SPI1: variants seen among roughly 807,000 people sequenced by gnomAD.
SPI1 encodes the protein transcription factor PU.1.
SPI1 carries 3 observed loss-of-function variants against 30.7 expected under a neutral mutation model. That is an observed-to-expected ratio of 0.10 (90% confidence interval 0.04 to 0.25). SPI1 has a LOEUF of 0.25. SPI1 is among the 10% of genes least tolerant of loss of function. The pLI is 1.00. For synonymous variants in SPI1, 169 were observed against 157.1 expected (o/e 1.08, Z -0.56); for missense variants, 261 against 371.5 (o/e 0.70, Z 2.45).
Position 47,375,378 on chromosome 11 carries a change from C to CT in SPI1, c.142+254_142+255insA, listed in dbSNP as rs2095940886. On this transcript the variant is annotated intron_variant, in intron 2 of 4. Transcript: ENST00000378538. This position sits in a 1 kb window ranked among gnomAD's most constrained non-coding sequence, Gnocchi z 4.2. ...CCTGTTTCCTTGTTTATAAAGAAGA[C>CT]CACAAGGACAGAACCAGCAGATAAC... Among the ~76,000 whole-genome samples the CT allele has an allele frequency of 1.3e-5, 2 of 152,324 alleles. No individual in the cohort carries two copies. The highest frequency in any genetic ancestry group is 4.8e-5 in the African/African-American group (2 of 41,564).
In SPI1 at chr11:47,378,370, T is replaced by C. The variant is rs1168906314; in HGVS notation, c.-17A>G. ...CTGTAACATCCAGCCGGGCTCCGAG[T>C]CGGTCAGATCCCCTGCCTCGGTGGG... On this transcript the variant is annotated 5_prime_UTR_variant, in exon 1 of 5. Coordinates refer to ENST00000378538, the MANE Select transcript of SPI1 (RefSeq NM_003120.3). The C allele has an allele frequency of 6.2e-7, 1 of 1,610,692 alleles. No homozygotes were observed. Among genetic ancestry groups the C allele is most frequent in the Non-Finnish European group, 8.5e-7 (1 of 1,178,618 alleles).
intron 2 of SPI1, among the ~76,000 whole-genome samples, chr11:47,365,476 A>C (rs1183186498): frequency 6.6e-6 from 1 of 152,184 alleles, no homozygotes; most frequent in Non-Finnish European, 1.5e-5. Flanking sequence ...TAACCCTAGC[A>C]CTCAGGAGGT....
In SPI1 at chr11:47,355,344, C is replaced by G. The variant is rs1210495712; in HGVS notation, c.696G>C (p.Leu232=). 2.5e-6 allele frequency: 4 copies of G among 1,613,396 alleles called. No homozygotes were observed. Among genetic ancestry groups the G allele is most frequent in the Non-Finnish European group, 3.4e-6 (4 of 1,179,628 alleles). Residue 232 remains leucine (L), a synonymous_variant, in exon 5 of 5, where the codon CTG becomes CTC. Coordinates refer to ENST00000378538, the MANE Select transcript of SPI1 (RefSeq NM_003120.3). The stretch of plus-strand genomic sequence containing the variant: ...CCTCGCCCGTCTTGCCGTAGTTGCG[C>G]AGCGCGCGCGCCATCTTCTGGTAGG... ...KMTYQKMARA[L]RNYGKTGEVK...
intron 2 of SPI1, among the ~76,000 whole-genome samples, chr11:47,368,438 CAG>C (rs1648622144): frequency 6.6e-6 from 1 of 152,192 alleles, no homozygotes; most frequent in Admixed American, 6.5e-5. Context: ...AAATTGAAAA[CAG>C]GGTCTTTCCA....
chr11:47,360,036 A>G lies in SPI1; in HGVS notation c.147T>C (p.His49=). ...CGTGGTGGGGGTGGAAGTCCCAGTA[A>G]TGGTCTGTGGGGGACAGCCAGGCAG... ...LSSDGESHSD[H]YWDFHPHHVH... is the part of the protein sequence containing the mutation. Residue 49 remains histidine (H), a synonymous_variant, in exon 3 of 5, where the codon CAT becomes CAC. Coordinates refer to ENST00000378538, the MANE Select transcript of SPI1 (RefSeq NM_003120.3). The G allele has an allele frequency of 1.3e-6, 2 of 1,552,304 alleles. No individual in the cohort carries two copies. The highest frequency in any genetic ancestry group is 1.7e-6 in the Non-Finnish European group (2 of 1,143,882).
intron 4 of SPI1, among the ~76,000 whole-genome samples, chr11:47,357,004 ACT>A (rs909839271): frequency 7.5e-5 from 11 of 146,976 alleles, no homozygotes; most frequent in Non-Finnish European, 1.6e-4. Flanking sequence ...CCATACACAC[ACT>A]TCCTCACACA....
At chr11:47,368,837 A>T (rs533045163) in intron 2 of SPI1, among the ~76,000 whole-genome samples, 266 of 152,308 alleles carry the variant, frequency 1.7e-3, no homozygotes, top group African/African-American at 6.0e-3. Flanking sequence ...ATAGAGATGG[A>T]TGGTGATGAT....
chr11:47,364,624 T>C (rs1307999445), intron 2 of SPI1, among the ~76,000 whole-genome samples: 2 of 152,040 alleles, frequency 1.3e-5, no homozygotes, highest in Non-Finnish European at 2.9e-5. Context: ...GGACCCTGAG[T>C]GCATGCACCC....
chr11:47,356,026 A>T (rs1341528811), intron 4 of SPI1, among the ~76,000 whole-genome samples: 2 of 150,930 alleles, frequency 1.3e-5, no homozygotes, highest in African/African-American at 2.4e-5. Context: ...ACATGCTGTC[A>T]CACACATGCA....
intron 2 of SPI1, among the ~76,000 whole-genome samples, chr11:47,362,739 C>G (rs1595858889): frequency 1.3e-5 from 2 of 152,068 alleles, no homozygotes; most frequent in Middle Eastern, 6.8e-3. Context: ...CCATGCCCAG[C>G]TAATTTTTGT....
At chr11:47,373,348 T>C (rs182379785) in intron 2 of SPI1, among the ~76,000 whole-genome samples, 98 of 142,862 alleles carry the variant, frequency 6.9e-4, no homozygotes, top group African/African-American at 2.6e-3. Flanking sequence ...CGAGACTCCG[T>C]ATCAAAAAAA....
intron 4 of SPI1, chr11:47,358,589 G>A (rs1211140755): frequency 2.8e-6 from 2 of 703,446 alleles, no homozygotes; most frequent in East Asian, 2.7e-5. Flanking sequence ...ACACCCAGAT[G>A]TACACACACT....
intron 4 of SPI1, chr11:47,358,388 T>G: frequency 1.6e-6 from 1 of 611,186 alleles, no homozygotes. Flanking sequence ...CCCACTGACA[T>G]CATACGTGCA....
Position 47,374,231 on chromosome 11 carries a change from A to G in SPI1, c.142+1402T>C, listed in dbSNP as rs1224689624. The stretch of plus-strand genomic sequence containing the variant: ...CTGGGGATGGAGTTGGGGGAGGGGG[A>G]CTTTCTCTCTACATTGCCTGGGTTT... On this transcript the variant is annotated intron_variant, in intron 2 of 4. Coordinates refer to ENST00000378538, the MANE Select transcript of SPI1 (RefSeq NM_003120.3). The surrounding 1 kb of genome is among the most constrained non-coding windows in gnomAD (Gnocchi z 4.5). Among the ~76,000 whole-genome samples, 1 of 151,940 alleles carries G rather than the reference A, an allele frequency of 6.6e-6. No individual in the cohort carries two copies. Among genetic ancestry groups the G allele is most frequent in the Non-Finnish European group, 1.5e-5 (1 of 67,972 alleles).
intron 2 of SPI1, among the ~76,000 whole-genome samples, chr11:47,362,512 C>A (rs944718490): frequency 2.0e-5 from 3 of 151,088 alleles, no homozygotes; most frequent in Admixed American, 2.0e-4. Flanking sequence ...TTTGAGGCTG[C>A]AGTGAGCTAT....
intron 4 of SPI1, among the ~76,000 whole-genome samples, chr11:47,355,932 TCA>T (rs1451794563): frequency 1.4e-5 from 2 of 146,180 alleles, no homozygotes; most frequent in Non-Finnish European, 3.0e-5. Flanking sequence ...TCACACCCAC[TCA>T]CACTCATGCT....
chr11:47,372,652 A>G (rs955396385), intron 2 of SPI1, among the ~76,000 whole-genome samples: 1 of 151,996 alleles, frequency 6.6e-6, no homozygotes, highest in Non-Finnish European at 1.5e-5. Flanking sequence ...GTCAGTGGAA[A>G]ATAACCCAGT....
chr11:47,369,174 C>T (rs1010395495), intron 2 of SPI1, among the ~76,000 whole-genome samples: 3 of 152,172 alleles, frequency 2.0e-5, no homozygotes, highest in Non-Finnish European at 4.4e-5. Flanking sequence ...ATCACTTGAT[C>T]CCAGGAGGCA....
intron 4 of SPI1, among the ~76,000 whole-genome samples, 194 bp from the exon 5 acceptor site, chr11:47,355,740 G>GCACC (rs2095907357): frequency 6.7e-6 from 1 of 149,940 alleles, no homozygotes. Context: ...GCACACACAG[G>GCACC]CGTTCACACA....
Sources: gnomAD v4.1 joint callset for allele counts (sites outside exome capture counted in the v4.1 genomes callset) on GRCh38, gnomAD v4.1.1 for gene constraint, Gnocchi (gnomAD v3.1) non-coding constraint, MANE v1.5 for transcripts, NCBI Gene and HGNC (gene_info 2026-07-23, HGNC 2026-07-21) for gene names.